DLGAP1: variants seen among roughly 807,000 people sequenced by gnomAD.
The protein encoded by DLGAP1 is disks large-associated protein 1.
DLGAP1 carries 11 observed loss-of-function variants against 90.8 expected under a neutral mutation model. The observed-to-expected ratio is 0.12, with a 90% CI of 0.08 to 0.20. The LOEUF is 0.20. Among genes scored for constraint, DLGAP1 ranks in the 10% least tolerant of loss-of-function variants. The pLI, the probability that DLGAP1 is intolerant of heterozygous loss-of-function variation, is 1.00. For synonymous variants in DLGAP1, 558 were observed against 540.7 expected, an observed-to-expected ratio of 1.03 and a Z score of -0.44; for missense variants, 1,050 against 1,333.8, an observed-to-expected ratio of 0.79 and a Z score of 3.31.
chr18:4,109,718 G>A (rs74771941), intron 2 of DLGAP1, among the ~76,000 whole-genome samples: 2,869 of 152,108 alleles, frequency 0.019, 98 homozygotes, highest in African/African-American at 0.065. Flanking sequence ...TTCAAAACTT[G>A]TCCAGATCTA....
chr18:3,638,091 C>T (rs1011078052), intron 7 of DLGAP1, among the ~76,000 whole-genome samples: 7 of 151,452 alleles, frequency 4.6e-5, no homozygotes, highest in African/African-American at 1.2e-4. Context: ...GGAGTACAGG[C>T]GCCCGCCACC....
intron 3 of DLGAP1, among the ~76,000 whole-genome samples, chr18:3,944,335 A>G (rs904110253): frequency 6.6e-6 from 1 of 152,192 alleles, no homozygotes; most frequent in African/African-American, 2.4e-5. Flanking sequence ...ATCTCTACTA[A>G]AAATACAAAA....
At chr18:3,910,489 T>A (rs1441669381) in intron 3 of DLGAP1, among the ~76,000 whole-genome samples, 1 of 152,160 alleles carries the variant, frequency 6.6e-6, no homozygotes, top group Admixed American at 6.5e-5. Flanking sequence ...GCCTGCTGCT[T>A]CCTATAGGCC....
At chr18:4,251,620 T>C (rs1006652748) in intron 1 of DLGAP1, among the ~76,000 whole-genome samples, 1 of 152,226 alleles carries the variant, frequency 6.6e-6, no homozygotes, top group African/African-American at 2.4e-5. Context: ...CTTTTTTCTT[T>C]GTAAAATAGG....
chr18:4,056,729 G>A (rs1290627938), intron 2 of DLGAP1, among the ~76,000 whole-genome samples: 1 of 152,096 alleles, frequency 6.6e-6, no homozygotes, highest in East Asian at 1.9e-4. Flanking sequence ...CCTAGGAATT[G>A]AGACATACAC....
intron 1 of DLGAP1, among the ~76,000 whole-genome samples, chr18:4,376,043 C>CAA (rs1239069802): frequency 6.6e-6 from 1 of 152,068 alleles, no homozygotes; most frequent in African/African-American, 2.4e-5. Context: ...ATAGATTATA[C>CAA]AAGGAGAAGA....
chr18:4,095,291 T>TG (rs2075658529), intron 2 of DLGAP1, among the ~76,000 whole-genome samples: 1 of 152,180 alleles, frequency 6.6e-6, no homozygotes, highest in Non-Finnish European at 1.5e-5. Flanking sequence ...ACAGAGACAC[T>TG]GGCCACCTTC....
chr18:3,846,583 G>C (rs1021533137), intron 4 of DLGAP1, among the ~76,000 whole-genome samples: 2 of 152,128 alleles, frequency 1.3e-5, no homozygotes, highest in African/African-American at 4.8e-5. Flanking sequence ...TAAAAGTGTA[G>C]TATATCCATA....
chr18:3,954,915 G>A (rs1052183816), intron 3 of DLGAP1, among the ~76,000 whole-genome samples: 14 of 152,198 alleles, frequency 9.2e-5, no homozygotes, highest in African/African-American at 2.7e-4. Context: ...AAGTTGCAGC[G>A]CGCAGACTCT....
intron 5 of DLGAP1, among the ~76,000 whole-genome samples, chr18:3,763,283 C>A (rs902841332): frequency 7.9e-5 from 12 of 152,192 alleles, no homozygotes; most frequent in African/African-American, 2.7e-4. Flanking sequence ...TGAACATCGG[C>A]CTCCAGATTC....
intron 1 of DLGAP1, among the ~76,000 whole-genome samples, chr18:4,222,832 C>T (rs940225008): frequency 4.6e-5 from 7 of 151,744 alleles, no homozygotes; most frequent in African/African-American, 1.7e-4. Flanking sequence ...GATACAGGCA[C>T]TCACTGAATA....
chr18:3,998,668 A>G (rs1320985205), intron 3 of DLGAP1, among the ~76,000 whole-genome samples: 1 of 152,188 alleles, frequency 6.6e-6, no homozygotes, highest in Admixed American at 6.5e-5. Flanking sequence ...TTCAAATTCA[A>G]GTAGAGGACT....
intron 1 of DLGAP1, among the ~76,000 whole-genome samples, chr18:4,208,804 TG>T (rs1278820581): frequency 1.3e-5 from 2 of 149,336 alleles, no homozygotes; most frequent in Admixed American, 6.7e-5. Flanking sequence ...AAGGAGAGGT[TG>T]GGGGGGTGGA....
chr18:4,242,099 C>T, intron 1 of DLGAP1, among the ~76,000 whole-genome samples: 1 of 152,176 alleles, frequency 6.6e-6, no homozygotes, highest in African/African-American at 2.4e-5. Context: ...AAAAGCAGTT[C>T]CCCTTCATCC....
At chr18:3,969,380 T>C (rs2073396842) in intron 3 of DLGAP1, among the ~76,000 whole-genome samples, 1 of 152,150 alleles carries the variant, frequency 6.6e-6, no homozygotes, top group African/African-American at 2.4e-5. Context: ...TTACCACTGG[T>C]TTTTGCAAAA....
chr18:4,280,509 G>A (rs2079523599), intron 1 of DLGAP1, among the ~76,000 whole-genome samples: 3 of 152,290 alleles, frequency 2.0e-5, no homozygotes, highest in Admixed American at 6.5e-5. Flanking sequence ...TAATGGTAGA[G>A]AGGTGCTTAA....
At chr18:4,172,973 A>C (rs894047557) in intron 1 of DLGAP1, among the ~76,000 whole-genome samples, 1 of 152,220 alleles carries the variant, frequency 6.6e-6, no homozygotes, top group East Asian at 1.9e-4. Context: ...CGTTTCTTGC[A>C]ATGTTAGAGA....
intron 1 of DLGAP1, among the ~76,000 whole-genome samples, chr18:4,331,265 T>G (rs1460212561): frequency 6.6e-6 from 1 of 151,696 alleles, no homozygotes; most frequent in Non-Finnish European, 1.5e-5. Context: ...CCTCCACCAG[T>G]GCATCACTCC....
intron 1 of DLGAP1, among the ~76,000 whole-genome samples, chr18:4,369,572 C>T (rs1367251762): frequency 6.6e-6 from 1 of 151,948 alleles, no homozygotes; most frequent in African/African-American, 2.4e-5. Context: ...AAAATACCTA[C>T]TGAATAGCCA....
Sources: gnomAD v4.1 joint callset for allele counts (sites outside exome capture counted in the v4.1 genomes callset) on GRCh38, gnomAD v4.1.1 for gene constraint, MANE v1.5 for transcripts, NCBI Gene and HGNC (gene_info 2026-07-23, HGNC 2026-07-21) for gene names.